ATRNL1: variants seen among roughly 807,000 people sequenced by gnomAD.
The protein encoded by ATRNL1 is attractin like 1, also known as attractin-like protein 1.
A neutral mutation model predicts 182.7 loss-of-function variants in ATRNL1; 95 were observed. The ratio of observed to expected loss-of-function variants is 0.52; its 90% confidence interval spans 0.44 to 0.62. The LOEUF is 0.62. Ranked by LOEUF, ATRNL1 falls within the 20% of genes least tolerant of loss-of-function variation. The pLI is 0.00. For synonymous variants in ATRNL1, 576 were observed against 568.3 expected, an observed-to-expected ratio of 1.01 and a Z score of -0.19; for missense variants, 1,471 against 1,679.5, an observed-to-expected ratio of 0.88 and a Z score of 2.17.
At chr10:115,381,263 A>G (rs1476524468) in intron 19 of ATRNL1, among the ~76,000 whole-genome samples, 2 of 150,960 alleles carry the variant, frequency 1.3e-5, no homozygotes, top group African/African-American at 2.4e-5. Context: ...TTTTTTGTTT[A>G]TTTTTATTAT....
At chr10:115,416,999 GCAGGAGCCT>G (rs1845420567) in intron 20 of ATRNL1, among the ~76,000 whole-genome samples, 1 of 152,152 alleles carries the variant, frequency 6.6e-6, no homozygotes, top group Non-Finnish European at 1.5e-5. Flanking sequence ...AAAGTCACTG[GCAGGAGCCT>G]CAGGAGTCAG....
At chr10:115,128,300 T>G (rs2143693484) in intron 4 of ATRNL1, 1 of 156,398 alleles carries the variant, frequency 6.4e-6, no homozygotes, top group African/African-American at 2.4e-5. Context: ...TGCCTGATAC[T>G]TTATATACAT....
chr10:115,496,778 G>T (rs528827320), intron 24 of ATRNL1, among the ~76,000 whole-genome samples: 14 of 152,262 alleles, frequency 9.2e-5, no homozygotes, highest in African/African-American at 2.9e-4. Context: ...AGCCTGATGG[G>T]GTTCCCTTTG....
chr10:115,162,990 G>T (rs116561928), intron 6 of ATRNL1, among the ~76,000 whole-genome samples: 1,745 of 151,620 alleles, frequency 0.012, 30 homozygotes, highest in African/African-American at 0.039. Flanking sequence ...GGGGTTAAAA[G>T]CGTGTCTAGA....
intron 28 of ATRNL1, among the ~76,000 whole-genome samples, chr10:115,922,168 A>G (rs146220813): frequency 1.3e-5 from 2 of 152,232 alleles, no homozygotes; most frequent in Non-Finnish European, 2.9e-5. Flanking sequence ...AATTGTCTAG[A>G]TGCGTATGGA....
intron 8 of ATRNL1, 111 bp downstream of exon 8, chr10:115,171,403 T>C (rs573161386): frequency 1.7e-5 from 16 of 949,014 alleles, no homozygotes; most frequent in Admixed American, 3.2e-5. Context: ...ATTGAAATTA[T>C]AAGCTGATAA....
intron 27 of ATRNL1, among the ~76,000 whole-genome samples, chr10:115,835,688 C>T (rs1192956561): frequency 6.6e-6 from 1 of 152,208 alleles, no homozygotes; most frequent in East Asian, 1.9e-4. Context: ...TATAGTAGGA[C>T]TGGGATGTGC....
intron 10 of ATRNL1, among the ~76,000 whole-genome samples, chr10:115,257,177 G>A (rs1191989864): frequency 2.0e-5 from 3 of 152,154 alleles, no homozygotes; most frequent in African/African-American, 7.2e-5. Flanking sequence ...TTCAAGTCCT[G>A]GATATCCTTG....
rs1848096948 is a variant in ATRNL1, at chr10:115,467,261, A to G, written c.3496+9A>G. The G allele has an allele frequency of 3.2e-6, 5 of 1,582,864 alleles. No homozygotes were observed. Among genetic ancestry groups the G allele is most frequent in the Non-Finnish European group, 4.3e-6 (5 of 1,156,604 alleles). Reference sequence around the variant, plus strand: ...GTCTGTCGGTTCAACAGGTAAAAAAATGTTGATGTCATATCTCTTTTACAT... The same window carrying G: ...GTCTGTCGGTTCAACAGGTAAAAAAGTGTTGATGTCATATCTCTTTTACAT... On this transcript the variant is annotated intron_variant, in intron 23 of 28. Transcript: ENST00000355044.
intron 20 of ATRNL1, among the ~76,000 whole-genome samples, chr10:115,413,197 G>C (rs1554960230): frequency 6.6e-6 from 1 of 152,054 alleles, no homozygotes; most frequent in African/African-American, 2.4e-5. Context: ...TTTATCCTTT[G>C]TAATGAGATA....
At chr10:115,185,093 T>C (rs1291424630) in intron 8 of ATRNL1, among the ~76,000 whole-genome samples, 1 of 151,926 alleles carries the variant, frequency 6.6e-6, no homozygotes, top group Non-Finnish European at 1.5e-5. Flanking sequence ...CCTGGATGGA[T>C]TGCAATTGGA....
chr10:115,786,732 C>T (rs1359566527), intron 27 of ATRNL1, among the ~76,000 whole-genome samples: 3 of 152,128 alleles, frequency 2.0e-5, no homozygotes, highest in Admixed American at 1.3e-4. Context: ...TTCTTACAGA[C>T]CTCTAATTCT....
At chr10:115,315,382 AT>A in intron 17 of ATRNL1, 135 bp from the exon 18 acceptor site, 1 of 593,332 alleles carries the variant, frequency 1.7e-6, no homozygotes, top group Non-Finnish European at 2.9e-6. Flanking sequence ...CTTAAGTATT[AT>A]TGCAAAAATG....
chr10:115,546,457 TCAGGAGGCTGAGG>T (rs1485422766), intron 25 of ATRNL1, among the ~76,000 whole-genome samples: 1 of 151,788 alleles, frequency 6.6e-6, no homozygotes, highest in Non-Finnish European at 1.5e-5. Flanking sequence ...TCCCAGCTAC[TCAGGAGGCTGAGG>T]CAGGAGAGTT....
intron 19 of ATRNL1, among the ~76,000 whole-genome samples, chr10:115,381,825 T>G (rs1554951218): frequency 2.0e-5 from 3 of 152,070 alleles, no homozygotes; most frequent in African/African-American, 7.2e-5. Context: ...CTTTATAATT[T>G]TAACTCTTAT....
At position 115,549,388 on chromosome 10, in the gene ATRNL1, C is replaced by G. The variant is rs189639062; in HGVS notation, c.3717-70C>G. On this transcript the variant is annotated intron_variant, in intron 25 of 28. Transcript: ENST00000355044. The stretch of plus-strand genomic sequence containing the variant: ...TATATATATATGTATTTGAGTCTTT[C>G]ATGTACTGTTTTTTCATTACATAGT... 121 of 1,091,782 alleles carry G rather than the reference C, an allele frequency of 1.1e-4. No individual in the cohort carries two copies. The African/African-American group carries it at 1.5e-3, about 14-fold the overall frequency. The allele number at this position is 1,091,782 out of a possible 1,614,324, so 67.6% of individuals were successfully genotyped here.
At chr10:115,247,309 T>C (rs1408691784) in intron 10 of ATRNL1, among the ~76,000 whole-genome samples, 9 of 151,928 alleles carry the variant, frequency 5.9e-5, no homozygotes, top group African/African-American at 1.2e-4. Flanking sequence ...AAATTCTCAA[T>C]GATAAAAAAA....
chr10:115,595,273 T>C (rs1203443694), intron 26 of ATRNL1, among the ~76,000 whole-genome samples: 3 of 152,160 alleles, frequency 2.0e-5, no homozygotes, highest in Non-Finnish European at 4.4e-5. Flanking sequence ...TACTTCTTTT[T>C]AGCTTTAAAA....
chr10:115,340,990 C>T (rs1255748478), intron 19 of ATRNL1, among the ~76,000 whole-genome samples: 2 of 151,714 alleles, frequency 1.3e-5, no homozygotes, highest in Non-Finnish European at 2.9e-5. Context: ...TTTGTTTCAT[C>T]AGTCTTTTTT....
Sources: allele counts gnomAD v4.1 joint callset (sites outside exome capture counted in the v4.1 genomes callset), GRCh38; gene constraint gnomAD v4.1.1; transcripts MANE v1.5; gene names NCBI Gene and HGNC (gene_info 2026-07-23, HGNC 2026-07-21).